Variants in DNAJC5B observed in about 807,000 individuals in gnomAD.
DNAJC5B encodes the protein dnaJ homolog subfamily C member 5B.
A neutral mutation model predicts 24.7 loss-of-function variants in DNAJC5B; 23 were observed. That is an observed-to-expected ratio of 0.93 (90% confidence interval 0.67 to 1.32). The LOEUF (loss-of-function observed/expected upper bound fraction) is 1.32. Among genes scored for constraint, DNAJC5B ranks in the 40% most tolerant of loss-of-function variants. DNAJC5B has a pLI of 0.00. For synonymous variants in DNAJC5B, 101 were observed against 90.1 expected, an observed-to-expected ratio of 1.12 and a Z score of -0.68; for missense variants, 238 against 240.8, an observed-to-expected ratio of 0.99 and a Z score of 0.08.
chr8:66,084,591 G>A (rs1350717064), intron 5 of DNAJC5B, among the ~76,000 whole-genome samples: 1 of 152,044 alleles, frequency 6.6e-6, no homozygotes, highest in Non-Finnish European at 1.5e-5. Flanking sequence ...TGGTGGGGAG[G>A]TTTAGGACTT....
chr8:66,035,667 T>C (rs1260856388), intron 1 of DNAJC5B, among the ~76,000 whole-genome samples: 2 of 152,062 alleles, frequency 1.3e-5, no homozygotes, highest in African/African-American at 4.8e-5. Flanking sequence ...ACACCTTGAC[T>C]TCTGACTTCT....
In DNAJC5B at chr8:66,100,610, G is replaced by A. The variant is rs1442839563; in HGVS notation, c.*579G>A. The A allele has an allele frequency of 6.6e-6, 1 of 152,022 alleles. No homozygotes were observed. Among genetic ancestry groups the A allele is most frequent in the Non-Finnish European group, 1.5e-5 (1 of 67,996 alleles). The allele number at this position is 152,022 out of a possible 1,614,324, so 9.4% of individuals were successfully genotyped here. On this transcript the variant is annotated 3_prime_UTR_variant, in exon 6 of 6. Coordinates refer to ENST00000276570, the MANE Select transcript of DNAJC5B (RefSeq NM_033105.6). ...GCATTTACTGAAAACTGGAAACCAG[G>A]AAGAAACAGGTTTTGTGTGTACTTT...
At chr8:66,017,057 G>C (rs1236349323), upstream of DNAJC5B, among the ~76,000 whole-genome samples, 1 of 151,788 alleles carries the variant, frequency 6.6e-6, no homozygotes, top group Non-Finnish European at 1.5e-5. Context: ...CTGTTCTTCA[G>C]AGAAGAGCCA....
chr8:66,024,264 T>C (rs1241502959), intron 1 of DNAJC5B, among the ~76,000 whole-genome samples: 1 of 152,218 alleles, frequency 6.6e-6, no homozygotes, highest in African/African-American at 2.4e-5. Flanking sequence ...ACACAGTTGT[T>C]GTAATAACTT....
chr8:66,034,934 G>T (rs989160815), intron 1 of DNAJC5B, among the ~76,000 whole-genome samples: 8 of 152,294 alleles, frequency 5.3e-5, no homozygotes, highest in Middle Eastern at 3.4e-3. Context: ...TTTACACATA[G>T]ATAACCAAAA....
intron 5 of DNAJC5B, among the ~76,000 whole-genome samples, chr8:66,097,201 T>G (rs1270108393): frequency 1.3e-5 from 2 of 151,704 alleles, no homozygotes; most frequent in East Asian, 3.9e-4. Context: ...TTTTCCTGTT[T>G]CTTTTTTTTT....
intron 5 of DNAJC5B, among the ~76,000 whole-genome samples, chr8:66,084,165 A>G (rs1231894987): frequency 3.3e-5 from 5 of 152,144 alleles, no homozygotes; most frequent in Non-Finnish European, 5.9e-5. Flanking sequence ...TAAGGATGAA[A>G]ATCAGACTTC....
In DNAJC5B at chr8:66,031,001, C is replaced by G. The variant is rs183633418; in HGVS notation, c.-142+9296C>G. Among the ~76,000 whole-genome samples the G allele has an allele frequency of 3.9e-3, 598 of 152,334 alleles. 10 individuals are homozygous for G. Among genetic ancestry groups the G allele is most frequent in the African/African-American group, 0.014 (576 of 41,568 alleles). ...CTCATAGTGATGGCTTTCTCCTGGG[C>G]TTATGCTCGTGAGAGCCCCTCACCA... On this transcript the variant is annotated intron_variant, in intron 1 of 5. Transcript: ENST00000276570.
chr8:66,086,003 C>T (rs1410759557), intron 5 of DNAJC5B, among the ~76,000 whole-genome samples: 3 of 152,154 alleles, frequency 2.0e-5, no homozygotes, highest in Non-Finnish European at 4.4e-5. Context: ...GCATACAAAG[C>T]TGGTAATGTC....
chr8:66,017,135 A>G (rs1374878900), upstream of DNAJC5B, among the ~76,000 whole-genome samples: 2 of 152,160 alleles, frequency 1.3e-5, no homozygotes, highest in African/African-American at 4.8e-5. Context: ...CATGCCTTAC[A>G]CTTTACTTAC....
At chr8:66,086,434 C>T (rs1586114263) in intron 5 of DNAJC5B, among the ~76,000 whole-genome samples, 1 of 152,064 alleles carries the variant, frequency 6.6e-6, no homozygotes, top group Non-Finnish European at 1.5e-5. Flanking sequence ...GAGGATATTT[C>T]CTTGTGTGTA....
At chr8:66,027,568 T>TA (rs200884593) in intron 1 of DNAJC5B, among the ~76,000 whole-genome samples, 2 of 107,926 alleles carry the variant, frequency 1.9e-5, no homozygotes. Context: ...CCAATATTGT[T>TA]GTCACAAAAG....
chr8:66,088,874 GTTCCAAACT>G (rs983442253), intron 5 of DNAJC5B, among the ~76,000 whole-genome samples: 3 of 152,158 alleles, frequency 2.0e-5, no homozygotes, highest in African/African-American at 7.2e-5. Context: ...TCTCTAGACA[GTTCCAAACT>G]TTCCCACATC....
At chr8:66,042,690 T>C (rs73243207) in intron 1 of DNAJC5B, among the ~76,000 whole-genome samples, 32,438 of 108,964 alleles carry the variant, frequency 0.3, 8,825 homozygotes, top group African/African-American at 0.77. Flanking sequence ...TCTTCCCTCC[T>C]CTCTCCCCCT....
intron 3 of DNAJC5B, among the ~76,000 whole-genome samples, chr8:66,060,036 G>A (rs1807047167): frequency 6.6e-6 from 1 of 152,212 alleles, no homozygotes; most frequent in African/African-American, 2.4e-5. Flanking sequence ...GGGCATAGTG[G>A]ATGGCTCCTT....
intron 3 of DNAJC5B, among the ~76,000 whole-genome samples, chr8:66,067,019 T>C (rs894208100): frequency 4.6e-5 from 7 of 151,402 alleles, no homozygotes; most frequent in Non-Finnish European, 7.4e-5. Context: ...CTCATATGTG[T>C]AACAGCATGT....
intron 1 of DNAJC5B, among the ~76,000 whole-genome samples, chr8:66,026,901 G>A (rs530518103): frequency 1.4e-4 from 21 of 152,322 alleles, no homozygotes; most frequent in Middle Eastern, 6.8e-3. Flanking sequence ...GCTTCATGCT[G>A]CTCCAGAGAG....
intron 5 of DNAJC5B, among the ~76,000 whole-genome samples, chr8:66,097,567 G>A (rs1206598685): frequency 6.7e-6 from 1 of 149,730 alleles, no homozygotes; most frequent in African/African-American, 2.5e-5. Context: ...TCTTTTTACA[G>A]CTCAATTCTT....
intron 5 of DNAJC5B, among the ~76,000 whole-genome samples, chr8:66,090,069 T>C (rs1011334762): frequency 6.6e-6 from 1 of 151,980 alleles, no homozygotes; most frequent in Non-Finnish European, 1.5e-5. Context: ...AAATTAGGAG[T>C]TCTACATTGT....
Sources: gnomAD v4.1 joint callset for allele counts (sites outside exome capture counted in the v4.1 genomes callset) on GRCh38, gnomAD v4.1.1 for gene constraint, MANE v1.5 for transcripts, NCBI Gene and HGNC (gene_info 2026-07-23, HGNC 2026-07-21) for gene names.